BBS2: variants seen among roughly 807,000 people sequenced by gnomAD.
The protein encoded by BBS2 is BBSome complex member BBS2.
BBS2 carries 62 observed loss-of-function variants against 83.0 expected under a neutral mutation model. That is an observed-to-expected ratio of 0.75 (90% confidence interval 0.61 to 0.92). BBS2 has a LOEUF of 0.92. BBS2 is among the 40% of genes least tolerant of loss of function. The probability of loss-of-function intolerance (pLI) is 0.00; values close to 1 mark genes in which losing one functional copy is unlikely to be tolerated. For missense variants in BBS2, 784 were observed against 901.0 expected (o/e 0.87, Z 1.66); for synonymous variants, 303 against 326.1 (o/e 0.93, Z 0.76).
chr16:56,474,786 A>G (rs754769994), intron 17 of BBS2: 31 of 1,559,576 alleles, frequency 2.0e-5, no homozygotes, highest in Non-Finnish European at 2.6e-5. Context: ...AGTTCTATCA[A>G]GGTTATTTTT....
intron 1 of BBS2, among the ~76,000 whole-genome samples, chr16:56,519,123 G>A (rs909402265): frequency 2.6e-5 from 4 of 152,090 alleles, no homozygotes; most frequent in Admixed American, 6.5e-5. Context: ...TTGAGGTCAG[G>A]AGTTCGAGAC....
rs2144193503 is a variant in BBS2 at position 56,514,617 on chromosome 16, G to T, written c.181C>A (p.Pro61Thr). Residue 61 changes from proline to threonine, a missense_variant, in exon 2 of 17, where the codon CCC becomes ACC. Coordinates refer to ENST00000245157, the MANE Select transcript of BBS2 (RefSeq NM_031885.5). The stretch of plus-strand genomic sequence containing the variant: ...AGAAGAGAAACATCAGATTCCAGGG[G>T]GCTCTGGAAGACCCTGGATGCACTG... ...HVSASRVFQS[P>T]LESDVSLLSI... 7 of 1,614,008 alleles carry T rather than the reference G, an allele frequency of 4.3e-6. No homozygotes were observed. The highest frequency in any genetic ancestry group is 5.9e-6 in the Non-Finnish European group (7 of 1,179,928).
chr16:56,513,133 C>G (rs1453810201), intron 2 of BBS2, among the ~76,000 whole-genome samples: 4 of 152,124 alleles, frequency 2.6e-5, no homozygotes, highest in Admixed American at 2.0e-4. Context: ...GCCTGGGTGA[C>G]AGAGCAAGAC....
At chr16:56,486,572 T>C (rs1963782654) in intron 15 of BBS2, among the ~76,000 whole-genome samples, 2 of 152,112 alleles carry the variant, frequency 1.3e-5, no homozygotes, top group South Asian at 4.1e-4. Flanking sequence ...AGACATTATG[T>C]AAGTGAATGA....
At chr16:56,481,067 G>A (rs1237224404), downstream of BBS2, among the ~76,000 whole-genome samples, 1 of 152,110 alleles carries the variant, frequency 6.6e-6, no homozygotes, top group Non-Finnish European at 1.5e-5. Flanking sequence ...GAAATTGGAG[G>A]TAATTTAGTT....
intron 17 of BBS2, chr16:56,475,986 T>A: frequency 6.8e-7 from 1 of 1,464,598 alleles, no homozygotes. Context: ...TGGTTAATCA[T>A]CCAAGATTTG....
chr16:56,489,969 T>C (rs1320060558), intron 15 of BBS2, among the ~76,000 whole-genome samples: 2 of 151,636 alleles, frequency 1.3e-5, no homozygotes, highest in African/African-American at 4.9e-5. Context: ...ACACAAAAAT[T>C]AGCTGGCTAT....
In BBS2 at chr16:56,517,076, CTCTA is replaced by C. The variant is rs1303955112; in HGVS notation, c.118-2400_118-2397del. On this transcript the variant is annotated intron_variant, in intron 1 of 16. Transcript: ENST00000245157. ...TTCCTGCCTTCCACTCCAGGTCACA[CTCTA>C]TCTAAGGGCTGCCCTAGGGACCTCT... Among the ~76,000 whole-genome samples the C allele has an allele frequency of 7.2e-5, 11 of 152,090 alleles. No homozygotes were observed. In the East Asian group the frequency reaches 1.5e-3, roughly 21 times the overall value.
rs57854125 is a variant in BBS2, at chr16:56,519,439, A to T, written c.117+307T>A. On this transcript the variant is annotated intron_variant, in intron 1 of 16. Transcript: ENST00000245157. ...TGGCTTGAATCTGGGGTCGGTTATT[A>T]CTGCTAACCCGAACCAAACCCCTTC... The T allele has an allele frequency of 9.7e-4, 313 of 321,674 alleles. 1 individual carries two copies. The highest frequency in any genetic ancestry group is 6.6e-3 in the African/African-American group (307 of 46,486). The allele number at this position is 321,674 out of a possible 1,614,324, so 19.9% of individuals were successfully genotyped here. A position where few individuals can be genotyped will look rare whatever the true frequency, so the allele number is the denominator to read the frequency against.
chr16:56,471,809 C>G (rs1475012640), intron 17 of BBS2, among the ~76,000 whole-genome samples: 1 of 152,238 alleles, frequency 6.6e-6, no homozygotes, highest in Non-Finnish European at 1.5e-5. Context: ...TCTGTGCTAT[C>G]TTAATACACA....
Position 56,510,863 on chromosome 16 carries a change from T to A in BBS2, c.530A>T (p.Lys177Ile), listed in dbSNP as rs777187533. Residue 177 changes from lysine to isoleucine, a missense_variant, in exon 4 of 17, where the codon AAA becomes ATA. Lys to Ile is a moderately radical substitution (Grantham distance 102). Transcript: ENST00000245157. Reference protein sequence around the residue: ...ALCDFDGDGKKELLVGSEDFD... With the variant: ...ALCDFDGDGKIELLVGSEDFD... ...GATATCTCCTCCCCCACATACCTCT[T>A]TCTTTCCATCACCATCAAAGTCACA... 1 of 1,614,018 alleles carries A rather than the reference T, an allele frequency of 6.2e-7. No homozygotes were observed. Among genetic ancestry groups the A allele is most frequent in the Non-Finnish European group, 8.5e-7 (1 of 1,180,000 alleles).
chr16:56,479,083 G>A (rs1567561245), intron 17 of BBS2: 1 of 152,200 alleles, frequency 6.6e-6, no homozygotes, highest in Non-Finnish European at 1.5e-5. Context: ...TCAGATAAAA[G>A]CTATGATGTT....
chr16:56,518,863 A>C (rs760791027), intron 1 of BBS2, among the ~76,000 whole-genome samples: 1 of 132,122 alleles, frequency 7.6e-6, no homozygotes, highest in Non-Finnish European at 1.7e-5. Context: ...ATGTTACATG[A>C]TTTCTCTTTT....
intron 17 of BBS2, chr16:56,475,566 G>GT: frequency 1.2e-6 from 2 of 1,613,354 alleles, no homozygotes; most frequent in Non-Finnish European, 1.7e-6. Context: ...AGATGAAGAG[G>GT]TAAGTTTCTT....
chr16:56,482,777 G>T (rs1250514466), downstream of BBS2, among the ~76,000 whole-genome samples: 1 of 152,090 alleles, frequency 6.6e-6, no homozygotes, highest in Non-Finnish European at 1.5e-5. Flanking sequence ...TTTTTCCTAG[G>T]GAAGAGACTG....
chr16:56,476,038 T>C (rs1344145577), intron 17 of BBS2: 1 of 1,606,836 alleles, frequency 6.2e-7, no homozygotes. Context: ...TATTTGTCTT[T>C]TTCAGCTGCT....
intron 1 of BBS2, chr16:56,519,443 C>A (rs182030677): frequency 2.2e-5 from 8 of 365,708 alleles, no homozygotes; most frequent in African/African-American, 1.5e-4. Context: ...GTTATTACTG[C>A]TAACCCGAAC....
chr16:56,485,474 G>T, intron 16 of BBS2, 116 bp downstream of exon 16: 1 of 1,363,296 alleles, frequency 7.3e-7, no homozygotes, highest in South Asian at 1.2e-5. Flanking sequence ...GCTCTGGAGT[G>T]TGAAAGGTAT....
At chr16:56,515,899 A>G (rs1322764572) in intron 1 of BBS2, among the ~76,000 whole-genome samples, 1 of 152,192 alleles carries the variant, frequency 6.6e-6, no homozygotes, top group Non-Finnish European at 1.5e-5. Context: ...GGGCTAAGAC[A>G]AGAGCCTGGT....
Sources: gnomAD v4.1 joint callset for allele counts (sites outside exome capture counted in the v4.1 genomes callset) on GRCh38, gnomAD v4.1.1 for gene constraint, MANE v1.5 for transcripts, NCBI Gene and HGNC (gene_info 2026-07-23, HGNC 2026-07-21) for gene names.